The following CHRM3 variants were observed in gnomAD, a reference collection of about 807,000 sequenced individuals.
The protein encoded by CHRM3 is muscarinic acetylcholine receptor M3.
In CHRM3, 11 loss-of-function variants were observed where a neutral mutation model predicts 41.8. That is an observed-to-expected ratio of 0.26 (90% CI 0.17 to 0.44). The LOEUF (loss-of-function observed/expected upper bound fraction) is 0.44. CHRM3 is among the 20% of genes least tolerant of loss of function. The pLI, the probability that CHRM3 is intolerant of heterozygous loss-of-function variation, is 1.00. For synonymous variants in CHRM3, 297 were observed against 301.4 expected (o/e 0.99, Z 0.15); for missense variants, 571 against 745.4 (o/e 0.77, Z 2.72).
At chr1:239,603,890 A>T (rs1452496098) in intron 3 of CHRM3, among the ~76,000 whole-genome samples, 2 of 152,100 alleles carry the variant, frequency 1.3e-5, no homozygotes, top group East Asian at 3.9e-4. Context: ...TCCTACTCCT[A>T]ATATTTGAAG....
At chr1:239,575,110 G>A (rs1330329658) in intron 3 of CHRM3, among the ~76,000 whole-genome samples, 28 of 152,110 alleles carry the variant, frequency 1.8e-4, no homozygotes, top group Admixed American at 1.8e-3. Flanking sequence ...CCTATGATAA[G>A]GATTAGAGGA....
At chr1:239,499,594 T>C (rs1553313190) in intron 2 of CHRM3, among the ~76,000 whole-genome samples, 1 of 152,180 alleles carries the variant, frequency 6.6e-6, no homozygotes, top group Non-Finnish European at 1.5e-5. Context: ...CCATGTGCTC[T>C]TCTTGAACTC....
chr1:239,399,712 T>C (rs1372007546), intron 1 of CHRM3, among the ~76,000 whole-genome samples: 1 of 152,158 alleles, frequency 6.6e-6, no homozygotes, highest in Non-Finnish European at 1.5e-5. Context: ...ATCTATTGTG[T>C]ATATATACCA....
intron 5 of CHRM3, among the ~76,000 whole-genome samples, chr1:239,684,460 G>A (rs753577436): frequency 6.6e-6 from 1 of 151,906 alleles, no homozygotes; most frequent in Non-Finnish European, 1.5e-5. Context: ...TTGGGAGGCC[G>A]AGGAGTGCGG....
At position 239,839,380 on chromosome 1, in the gene CHRM3, G is replaced by T. The variant is rs142046220; in HGVS notation, c.-20+12002G>T. Among the ~76,000 whole-genome samples the T allele has an allele frequency of 6.1e-3, 927 of 152,308 alleles. 17 individuals carry two copies. The highest frequency in any genetic ancestry group is 0.021 in the African/African-American group (884 of 41,574). ...GTGGTTCTGCATACTGATCAACCACGTCTTTTAAGTTTTACTGGGACAGAT... is the reference window on the plus strand; with the variant it reads ...GTGGTTCTGCATACTGATCAACCACTTCTTTTAAGTTTTACTGGGACAGAT... On this transcript the variant is annotated intron_variant, in intron 6 of 6. Transcript: ENST00000676153.
chr1:239,454,087 A>G (rs1217130126), intron 1 of CHRM3, among the ~76,000 whole-genome samples: 1 of 152,138 alleles, frequency 6.6e-6, no homozygotes, highest in African/African-American at 2.4e-5. Context: ...GAGGATGCTG[A>G]CTGGGGGCCC....
intron 6 of CHRM3, among the ~76,000 whole-genome samples, chr1:239,893,230 ACACATT>A (rs1392874941): frequency 6.6e-6 from 1 of 152,234 alleles, no homozygotes; most frequent in Non-Finnish European, 1.5e-5. Context: ...TTGCAAAAGA[ACACATT>A]TTGGAAGAAC....
At chr1:239,694,810 A>G (rs958373360) in intron 5 of CHRM3, among the ~76,000 whole-genome samples, 5 of 152,272 alleles carry the variant, frequency 3.3e-5, no homozygotes, top group South Asian at 2.1e-4. Flanking sequence ...AAAAATCAGT[A>G]TCTTTTATTT....
chr1:239,877,402 C>A (rs1677195244), intron 6 of CHRM3, among the ~76,000 whole-genome samples: 1 of 139,684 alleles, frequency 7.2e-6, no homozygotes, highest in Admixed American at 7.9e-5. Context: ...GTCAACATAG[C>A]AAGACCCCAT....
chr1:239,906,212 T>G (rs1443578669), intron 6 of CHRM3, among the ~76,000 whole-genome samples: 1 of 152,210 alleles, frequency 6.6e-6, no homozygotes, highest in Non-Finnish European at 1.5e-5. Flanking sequence ...TGAGAGACAC[T>G]CTGAGAAAAC....
At chr1:239,687,900 G>T (rs1177328574) in intron 5 of CHRM3, among the ~76,000 whole-genome samples, 1 of 152,016 alleles carries the variant, frequency 6.6e-6, no homozygotes, top group East Asian at 1.9e-4. Context: ...TACCCTCTAT[G>T]ATGTCCACAC....
At chr1:239,881,267 A>G (rs1305246734) in intron 6 of CHRM3, among the ~76,000 whole-genome samples, 4 of 102,896 alleles carry the variant, frequency 3.9e-5, no homozygotes, top group Middle Eastern at 6.4e-3. Context: ...TGGGCGACAG[A>G]GTGAGACTCC....
intron 5 of CHRM3, among the ~76,000 whole-genome samples, chr1:239,756,143 C>T (rs529729307): frequency 2.0e-5 from 3 of 152,250 alleles, no homozygotes; most frequent in Admixed American, 6.5e-5. Context: ...TGGCAAAGCC[C>T]GCAATTACAT....
chr1:239,806,393 A>C (rs1041043452), intron 5 of CHRM3, among the ~76,000 whole-genome samples: 3 of 149,422 alleles, frequency 2.0e-5, no homozygotes, highest in Non-Finnish European at 4.4e-5. Flanking sequence ...ACACACACAC[A>C]CCTGTGGACA....
intron 4 of CHRM3, among the ~76,000 whole-genome samples, chr1:239,670,439 G>GC (rs1239578587): frequency 6.6e-6 from 1 of 152,026 alleles, no homozygotes; most frequent in Admixed American, 6.6e-5. Context: ...ACTTTGTATT[G>GC]CATCTTTAAG....
At chr1:239,786,614 C>G (rs561025756) in intron 5 of CHRM3, among the ~76,000 whole-genome samples, 17 of 152,270 alleles carry the variant, frequency 1.1e-4, no homozygotes, top group African/African-American at 4.1e-4. Flanking sequence ...AGGGACAGAG[C>G]CTTGTGATCA....
chr1:239,400,472 T>C (rs1659874298), intron 1 of CHRM3, among the ~76,000 whole-genome samples: 1 of 152,214 alleles, frequency 6.6e-6, no homozygotes, highest in Non-Finnish European at 1.5e-5. Flanking sequence ...ATTCCATTTG[T>C]CTATTTTTGC....
At chr1:239,767,219 G>A (rs1170482361) in intron 5 of CHRM3, among the ~76,000 whole-genome samples, 1 of 152,026 alleles carries the variant, frequency 6.6e-6, no homozygotes, top group Non-Finnish European at 1.5e-5. Flanking sequence ...AATGGATACT[G>A]TTTATACATG....
At chr1:239,647,773 C>T (rs574285930) in intron 4 of CHRM3, among the ~76,000 whole-genome samples, 4 of 152,306 alleles carry the variant, frequency 2.6e-5, no homozygotes, top group South Asian at 4.1e-4. Flanking sequence ...GTATGTCATA[C>T]AGGTGCAATT....
Sources: gnomAD v4.1 joint callset for allele counts (sites outside exome capture counted in the v4.1 genomes callset) on GRCh38, gnomAD v4.1.1 for gene constraint, MANE v1.5 for transcripts, NCBI Gene and HGNC (gene_info 2026-07-23, HGNC 2026-07-21) for gene names.